The following GRM8 variants were observed in gnomAD, a reference collection of about 807,000 sequenced individuals.
The protein encoded by GRM8 is metabotropic glutamate receptor 8.
Under a neutral mutation model 87.2 loss-of-function variants are expected in GRM8, and 47 were observed. The observed-to-expected ratio is 0.54, with a 90% CI of 0.43 to 0.69. The LOEUF (loss-of-function observed/expected upper bound fraction) is 0.69, where lower values mean the gene tolerates loss of function less well. Among genes scored for constraint, GRM8 ranks in the 30% least tolerant of loss-of-function variants. The pLI, the probability that GRM8 is intolerant of heterozygous loss-of-function variation, is 0.00. For missense variants in GRM8, 1,019 were observed against 1,139.2 expected (o/e 0.89, Z 1.52); for synonymous variants, 396 against 404.5 (o/e 0.98, Z 0.25).
chr7:126,561,036 C>G (rs916677810), intron 8 of GRM8, among the ~76,000 whole-genome samples: 1 of 152,184 alleles, frequency 6.6e-6, no homozygotes, highest in Non-Finnish European at 1.5e-5. Context: ...GTGACAGACA[C>G]ACTACATGGT....
chr7:126,483,790 T>G (rs1807034264), intron 9 of GRM8, among the ~76,000 whole-genome samples: 1 of 97,326 alleles, frequency 1.0e-5, no homozygotes, highest in South Asian at 4.0e-4. Context: ...CCCTCCTCCC[T>G]TCCTTCCTTT....
At position 126,747,169 on chromosome 7, in the gene GRM8, C is replaced by T. The variant is rs1334676213; in HGVS notation, c.1357+22696G>A. 8.6e-5 allele frequency among the ~76,000 whole-genome samples: 13 copies of T among 151,902 alleles called. 1 individual carries two copies. Among genetic ancestry groups the T allele is most frequent in the Admixed American group, 8.5e-4 (13 of 15,222 alleles). ...TCACACTTCAATTTACCTTGGAATG[C>T]CTGGTTACAAGAGGATAGCCGTATA... is the stretch of plus-strand genomic sequence containing the variant. On this transcript the variant is annotated intron_variant, in intron 7 of 10. Coordinates refer to ENST00000339582, the MANE Select transcript of GRM8 (RefSeq NM_000845.3).
intron 3 of GRM8, among the ~76,000 whole-genome samples, chr7:127,097,411 T>C (rs17869422): frequency 2.2e-3 from 327 of 151,786 alleles, no homozygotes; most frequent in African/African-American, 7.7e-3. Flanking sequence ...AGAGGGGAGG[T>C]GGTCAGGAGT....
rs549488380 is a variant in GRM8 at position 127,252,158 on chromosome 7, T to G, written c.-312+639A>C. 1 of 151,914 alleles carries G rather than the reference T, an allele frequency of 6.6e-6. No individual in the cohort carries two copies. The highest frequency in any genetic ancestry group is 2.4e-5 in the African/African-American group (1 of 41,318). 9.4% of individuals were successfully genotyped at this position (151,914 alleles called of 1,614,324 possible). On this transcript the variant is annotated intron_variant, in intron 1 of 10. Transcript: ENST00000339582. The surrounding 1 kb of genome is among the most constrained non-coding windows in gnomAD (Gnocchi z 4.9). ...TCATCTCGGCGGGGCAAGTCCGGAT[T>G]CCACCAGGGCAGGTCCGGGAGGTCA...
At chr7:126,493,993 G>A (rs1808384135) in intron 9 of GRM8, among the ~76,000 whole-genome samples, 1 of 151,986 alleles carries the variant, frequency 6.6e-6, no homozygotes. Context: ...GCTCTGCGGA[G>A]CTGCTTCCTC....
intron 9 of GRM8, among the ~76,000 whole-genome samples, chr7:126,469,563 T>C (rs1349205332): frequency 2.6e-5 from 4 of 152,056 alleles, no homozygotes; most frequent in Non-Finnish European, 5.9e-5. Context: ...ATTCTTGTGA[T>C]AGTGAGTTCT....
intron 6 of GRM8, among the ~76,000 whole-genome samples, chr7:126,803,115 C>T (rs1363064472): frequency 1.3e-5 from 2 of 152,278 alleles, no homozygotes; most frequent in East Asian, 1.9e-4. Flanking sequence ...ATTAGTGATT[C>T]TCTTGGTGCC....
At chr7:126,987,789 A>G (rs985466660) in intron 3 of GRM8, among the ~76,000 whole-genome samples, 4 of 152,130 alleles carry the variant, frequency 2.6e-5, no homozygotes, top group Non-Finnish European at 5.9e-5. Context: ...TATCTCCAAC[A>G]CATGTACCTG....
At chr7:126,653,172 A>T (rs1264243743) in intron 7 of GRM8, among the ~76,000 whole-genome samples, 1 of 152,004 alleles carries the variant, frequency 6.6e-6, no homozygotes, top group Non-Finnish European at 1.5e-5. Context: ...GTGTGTTGGT[A>T]CATGCCTGTA....
intron 7 of GRM8, among the ~76,000 whole-genome samples, chr7:126,667,654 GA>G (rs979164203): frequency 1.2e-4 from 19 of 152,192 alleles, no homozygotes; most frequent in African/African-American, 3.1e-4. Context: ...TAATGAAAAG[GA>G]AAAAGAATGA....
chr7:126,983,110 C>G (rs1214385655), intron 3 of GRM8, among the ~76,000 whole-genome samples: 1 of 152,120 alleles, frequency 6.6e-6, no homozygotes, highest in Non-Finnish European at 1.5e-5. Flanking sequence ...CCCAAAGTGT[C>G]CAGGTGGCAA....
rs201548778 is a variant in GRM8, at chr7:126,446,271, A to G, written c.2532T>C (p.His844=). 52 of 1,612,454 alleles carry G rather than the reference A, an allele frequency of 3.2e-5. No individual in the cohort carries two copies. The highest frequency in any genetic ancestry group is 1.3e-5 in the African/African-American group (1 of 74,918). The change falls in exon 10 of 11, where the codon CAT becomes CAC. Residue 844 remains histidine, a synonymous_variant. Transcript: ENST00000339582. ...TGCGTTTTTGAACATTCTGTTCTGG[A>G]TGAAAAATTATAATATAAACCTTGG... ...YMPKVYIIIF[H]PEQNVQKRKR...
At chr7:126,698,386 A>C (rs1259741359) in intron 7 of GRM8, among the ~76,000 whole-genome samples, 7 of 152,176 alleles carry the variant, frequency 4.6e-5, no homozygotes, top group Non-Finnish European at 1.0e-4. Flanking sequence ...AAATTGAAGA[A>C]AAAATGATGC....
At chr7:126,817,734 A>T (rs1793921514) in intron 6 of GRM8, among the ~76,000 whole-genome samples, 1 of 152,106 alleles carries the variant, frequency 6.6e-6, no homozygotes. Flanking sequence ...GCTGAAAGGG[A>T]GGTCGTTTGA....
At chr7:126,635,027 G>A (rs566420651) in intron 7 of GRM8, among the ~76,000 whole-genome samples, 16 of 152,170 alleles carry the variant, frequency 1.1e-4, no homozygotes, top group East Asian at 3.9e-4. Flanking sequence ...CTCCTCTTAC[G>A]GGGGTGAAAG....
chr7:127,153,200 A>G (rs572475026), intron 2 of GRM8, among the ~76,000 whole-genome samples: 1 of 152,248 alleles, frequency 6.6e-6, no homozygotes, highest in South Asian at 2.1e-4. Context: ...TTTATAGTCC[A>G]CAGGAAAGGC....
chr7:126,633,654 G>GC (rs891812853), intron 7 of GRM8, among the ~76,000 whole-genome samples: 4 of 151,850 alleles, frequency 2.6e-5, no homozygotes, highest in Non-Finnish European at 4.4e-5. Context: ...AAACATATCT[G>GC]TTTTTTTGAA....
At chr7:126,998,177 G>A (rs1333327092) in intron 3 of GRM8, among the ~76,000 whole-genome samples, 4 of 151,768 alleles carry the variant, frequency 2.6e-5, no homozygotes, top group African/African-American at 7.2e-5. Flanking sequence ...TGATCATTTC[G>A]ATTGATGCTG....
chr7:126,658,769 A>G (rs1804813254), intron 7 of GRM8, among the ~76,000 whole-genome samples: 1 of 151,858 alleles, frequency 6.6e-6, no homozygotes, highest in South Asian at 2.1e-4. Flanking sequence ...ATTAGATTGG[A>G]AAAAAAATCC....
Sources: allele counts gnomAD v4.1 joint callset (sites outside exome capture counted in the v4.1 genomes callset), GRCh38; gene constraint gnomAD v4.1.1; non-coding constraint Gnocchi (gnomAD v3.1); transcripts MANE v1.5; gene names NCBI Gene and HGNC (gene_info 2026-07-23, HGNC 2026-07-21).